Variants in TBXAS1 observed in about 807,000 individuals in gnomAD.
TBXAS1 encodes the protein thromboxane-A synthase.
TBXAS1 carries 48 observed loss-of-function variants against 60.7 expected under a neutral mutation model. The observed-to-expected ratio is 0.79, with a 90% CI of 0.63 to 1.01. The LOEUF (loss-of-function observed/expected upper bound fraction) is 1.01, where lower values mean the gene tolerates loss of function less well. Among genes scored for constraint, TBXAS1 ranks in the 50% least tolerant of loss-of-function variants. The probability of loss-of-function intolerance (pLI) is 0.00; values close to 1 mark genes in which losing one functional copy is unlikely to be tolerated. For synonymous variants in TBXAS1, 287 were observed against 269.7 expected, an observed-to-expected ratio of 1.06 and a Z score of -0.63; for missense variants, 685 against 686.3, an observed-to-expected ratio of 1.00 and a Z score of 0.02.
intron 9 of TBXAS1, among the ~76,000 whole-genome samples, chr7:139,966,940 C>T (rs1810837763): frequency 6.6e-6 from 1 of 152,164 alleles, no homozygotes; most frequent in Admixed American, 6.5e-5. Flanking sequence ...CCAAATCCTG[C>T]CTACCTGGAG....
chr7:139,784,539 G>A (rs1797123612), intron 3 of TBXAS1, among the ~76,000 whole-genome samples: 1 of 152,228 alleles, frequency 6.6e-6, no homozygotes. Flanking sequence ...TGGCACGTCT[G>A]TGCCTGGCAC....
chr7:139,898,027 C>G (rs1327080141), intron 3 of TBXAS1, among the ~76,000 whole-genome samples: 1 of 152,212 alleles, frequency 6.6e-6, no homozygotes, highest in Admixed American at 6.5e-5. Flanking sequence ...GGGGACCCTG[C>G]TTTCTCCATG....
chr7:139,971,361 G>T (rs1811180232), intron 9 of TBXAS1, among the ~76,000 whole-genome samples: 1 of 152,154 alleles, frequency 6.6e-6, no homozygotes, highest in African/African-American at 2.4e-5. Flanking sequence ...CAGGACACAG[G>T]ATACTAGGGA....
Position 139,999,883 on chromosome 7 carries a change from C to T in TBXAS1, c.1135-7208C>T, listed in dbSNP as rs1041148461. Among the ~76,000 whole-genome samples, 1 of 152,166 alleles carries T rather than the reference C, an allele frequency of 6.6e-6. No individual in the cohort carries two copies. The highest frequency in any genetic ancestry group is 2.4e-5 in the African/African-American group (1 of 41,442). ...CCTCTGCTTCTATTTCCTTTAACAA[C>T]ATAGAAAAATGATAATTTTTCTATT... On this transcript the variant is annotated intron_variant, in intron 9 of 12. Coordinates refer to ENST00000448866, the MANE Select transcript of TBXAS1 (RefSeq NM_001061.7). This position sits in a 1 kb window ranked among gnomAD's most constrained non-coding sequence, Gnocchi z 4.3.
chr7:139,905,003 CTCTCTTTCTTTCTT>C lies in TBXAS1; in HGVS notation c.237-6218_237-6205del, dbSNP rs1569511377. Among the ~76,000 whole-genome samples, 216 of 88,134 alleles carry C rather than the reference CTCTCTTTCTTTCTT, an allele frequency of 2.5e-3. 2 individuals are homozygous for C. The highest frequency in any genetic ancestry group is 0.011 in the African/African-American group (198 of 18,722). The allele number at this position is 88,134 out of a possible 152,430, so 57.8% of individuals were successfully genotyped here. On this transcript the variant is annotated intron_variant, in intron 3 of 12. Transcript: ENST00000448866. Reference sequence around the variant, plus strand: ...TTTCTCTTTCTCTCTTTCTCTCTTTCTCTCTTTCTTTCTTTCTTTCTTTCTTTCTTTCTTTCTTT... The same window carrying C: ...TTTCTCTTTCTCTCTTTCTCTCTTTCTCTTTCTTTCTTTCTTTCTTTCTTT...
In TBXAS1 at chr7:139,932,002, C is replaced by T. The variant is rs1807364241; in HGVS notation, c.334-4189C>T. ...CACAACCATGTGAGTGTACTTAATA[C>T]CACCAAACTGTACTCTTAAAAATTA... On this transcript the variant is annotated intron_variant, in intron 4 of 12. Transcript: ENST00000448866. Among the ~76,000 whole-genome samples the T allele has an allele frequency of 2.6e-5, 4 of 151,768 alleles. No homozygotes were observed. In the South Asian group the frequency reaches 8.3e-4, roughly 32 times the overall value.
intron 8 of TBXAS1, among the ~76,000 whole-genome samples, chr7:139,960,468 C>T (rs1810239123): frequency 6.6e-6 from 1 of 152,160 alleles, no homozygotes; most frequent in Admixed American, 6.5e-5. Context: ...AGCAACCACA[C>T]ATGAAATGAC....
chr7:139,973,898 C>T (rs889499058), intron 9 of TBXAS1, among the ~76,000 whole-genome samples: 1 of 152,100 alleles, frequency 6.6e-6, no homozygotes, highest in African/African-American at 2.4e-5. Flanking sequence ...ACTGGCCTCC[C>T]CCTGCTGGGA....
At chr7:139,994,555 A>G (rs1813155649) in intron 9 of TBXAS1, among the ~76,000 whole-genome samples, 1 of 151,912 alleles carries the variant, frequency 6.6e-6, no homozygotes, top group Non-Finnish European at 1.5e-5. Flanking sequence ...CCCCACTTAT[A>G]TCCTGGACTG....
chr7:139,824,829 C>CTTTTTTTTTT (rs1192880390), upstream of TBXAS1, among the ~76,000 whole-genome samples: 1 of 38,862 alleles, frequency 2.6e-5, no homozygotes, highest in African/African-American at 9.5e-5. Context: ...TTTTCCTTTT[C>CTTTTTTTTTT]TTTTTTTTTT....
intron 9 of TBXAS1, among the ~76,000 whole-genome samples, chr7:139,979,829 G>C (rs117128364): frequency 6.6e-6 from 1 of 150,638 alleles, no homozygotes; most frequent in African/African-American, 2.4e-5. Context: ...GTTTTTTGGG[G>C]TTTTTTTTAT....
At chr7:139,946,018 A>G (rs1569517457) in intron 5 of TBXAS1, among the ~76,000 whole-genome samples, 1 of 152,220 alleles carries the variant, frequency 6.6e-6, no homozygotes, top group Non-Finnish European at 1.5e-5. Context: ...TCAGCAAAGC[A>G]TTACTGAAAT....
intron 9 of TBXAS1, among the ~76,000 whole-genome samples, chr7:139,963,625 G>A (rs974965492): frequency 5.9e-5 from 9 of 152,172 alleles, no homozygotes; most frequent in African/African-American, 2.2e-4. Context: ...AGGGACCAAC[G>A]GTGACTGGGG....
intron 4 of TBXAS1, among the ~76,000 whole-genome samples, chr7:139,805,714 C>CTT (rs201919641): frequency 0.013 from 1,273 of 96,164 alleles, 17 homozygotes; most frequent in East Asian, 0.048. Flanking sequence ...TTCTTTCTTT[C>CTT]TCTCTCTCTC....
rs746618111 is a variant in TBXAS1 at position 139,952,012 on chromosome 7, A to AAGAAAGAG, written c.451-1355_451-1354insGAAAGAGA. Among the ~76,000 whole-genome samples, 596 of 111,340 alleles carry AAGAAAGAG rather than the reference A, an allele frequency of 5.4e-3. 55 individuals carry two copies. Among genetic ancestry groups the AAGAAAGAG allele is most frequent in the South Asian group, 7.3e-3 (25 of 3,426 alleles). The allele number at this position is 111,340 out of a possible 152,430, so 73.0% of individuals were successfully genotyped here. On this transcript the variant is annotated intron_variant, in intron 5 of 12. Coordinates refer to ENST00000448866, the MANE Select transcript of TBXAS1 (RefSeq NM_001061.7). ...AAAGAAAGAAAGAAAGAAAGAAAGA[A>AAGAAAGAG]AAAGAAAGGAAGGAAGGAGGGAAGG...
intron 1 of TBXAS1, among the ~76,000 whole-genome samples, chr7:139,862,136 A>T (rs188287041): frequency 6.6e-6 from 1 of 152,348 alleles, no homozygotes; most frequent in Non-Finnish European, 1.5e-5. Flanking sequence ...TGCCTAACAG[A>T]CATTCAAAGC....
At chr7:139,992,682 C>A (rs2267704) in intron 9 of TBXAS1, among the ~76,000 whole-genome samples, 1 of 152,126 alleles carries the variant, frequency 6.6e-6, no homozygotes, top group Non-Finnish European at 1.5e-5. Flanking sequence ...CCCTGGGGGC[C>A]TTCGTTTCCT....
chr7:139,876,319 G>A (rs1008223020), intron 3 of TBXAS1, among the ~76,000 whole-genome samples: 8 of 152,056 alleles, frequency 5.3e-5, no homozygotes, highest in African/African-American at 9.7e-5. Flanking sequence ...GCAAACCCAC[G>A]TTCAGACCAC....
intron 3 of TBXAS1, among the ~76,000 whole-genome samples, chr7:139,907,781 A>G (rs1020250464): frequency 6.6e-6 from 1 of 152,106 alleles, no homozygotes; most frequent in Admixed American, 6.5e-5. Context: ...TATGAATTCA[A>G]ATAAAAAATA....
Sources: gnomAD v4.1 joint callset for allele counts (sites outside exome capture counted in the v4.1 genomes callset) on GRCh38, gnomAD v4.1.1 for gene constraint, Gnocchi (gnomAD v3.1) non-coding constraint, MANE v1.5 for transcripts, NCBI Gene and HGNC (gene_info 2026-07-23, HGNC 2026-07-21) for gene names.